SYPL1: variants seen among roughly 807,000 people sequenced by gnomAD.
SYPL1 encodes the protein synaptophysin-like protein 1.
In SYPL1, 6 loss-of-function variants were observed where a neutral mutation model predicts 23.7. The observed-to-expected ratio is 0.25, with a 90% CI of 0.14 to 0.50. The LOEUF is 0.50. SYPL1 is among the 20% of genes least tolerant of loss of function. The pLI is 0.98. For synonymous variants in SYPL1, 102 were observed against 104.5 expected (o/e 0.98, Z 0.15); for missense variants, 253 against 288.9 (o/e 0.88, Z 0.90).
intron 1 of SYPL1, among the ~76,000 whole-genome samples, chr7:106,102,419 T>C (rs1475288756): frequency 6.6e-6 from 1 of 152,200 alleles, no homozygotes; most frequent in Non-Finnish European, 1.5e-5. Flanking sequence ...TCTGTCTTCC[T>C]TTCTCACTCT....
chr7:106,101,425 T>C, intron 1 of SYPL1, among the ~76,000 whole-genome samples: 1 of 112,744 alleles, frequency 8.9e-6, no homozygotes, highest in African/African-American at 3.5e-5. Context: ...CAAGGGTTTG[T>C]TTTTTCCCAT....
Position 106,093,606 on chromosome 7 carries a change from T to C in SYPL1, c.403-469A>G, listed in dbSNP as rs573885480. The stretch of plus-strand genomic sequence containing the variant: ...CCTACAATCTGATCCTACTGCTTTC[T>C]TACTGTATCACCACTTCACTAATGT... On this transcript the variant is annotated intron_variant, in intron 3 of 4. Transcript: ENST00000455385. Among the ~76,000 whole-genome samples the C allele has an allele frequency of 4.7e-4, 60 of 128,918 alleles. 13 individuals carry two copies. In the South Asian group the frequency reaches 0.015, roughly 32 times the overall value. 84.6% of individuals were successfully genotyped at this position (128,918 alleles called of 152,430 possible).
intron 1 of SYPL1, among the ~76,000 whole-genome samples, chr7:106,103,703 A>G (rs1840441682): frequency 6.6e-6 from 1 of 152,244 alleles, no homozygotes; most frequent in Non-Finnish European, 1.5e-5. Flanking sequence ...TGTTAAAATT[A>G]ATTTCACCTG....
At chr7:106,093,390 A>C in intron 3 of SYPL1, 1 of 377,758 alleles carries the variant, frequency 2.6e-6, no homozygotes, top group Non-Finnish European at 4.7e-6. Context: ...ACTAGAAACC[A>C]AAGTTTTATA....
At chr7:106,101,057 T>G (rs990826906) in intron 1 of SYPL1, among the ~76,000 whole-genome samples, 2 of 152,146 alleles carry the variant, frequency 1.3e-5, no homozygotes, top group African/African-American at 4.8e-5. Context: ...CTCCCTCACT[T>G]CCATAGCTTC....
chr7:106,105,947 TAG>T (rs1840572714), intron 1 of SYPL1, among the ~76,000 whole-genome samples: 1 of 152,150 alleles, frequency 6.6e-6, no homozygotes, highest in Non-Finnish European at 1.5e-5. Context: ...TTCAAAGAAA[TAG>T]ATTGGTAACA....
At position 106,097,773 on chromosome 7, in the gene SYPL1, C is replaced by T. The variant is rs369027655; in HGVS notation, c.319G>A (p.Val107Met). 3.0e-5 allele frequency: 48 copies of T among 1,614,054 alleles called. No homozygotes were observed. The highest frequency in any genetic ancestry group is 4.4e-5 in the South Asian group (4 of 91,076). The change falls in exon 3 of 5, where the codon GTG becomes ATG. Residue 107 changes from valine (V) to methionine (M), a missense_variant. Val to Met is a conservative substitution (Grantham distance 21, BLOSUM62 1). Coordinates refer to ENST00000455385, the MANE Select transcript of SYPL1 (RefSeq NM_182715.4). This position sits in a 1 kb window ranked among gnomAD's most constrained non-coding sequence, Gnocchi z 4.6. Reference sequence around the variant, plus strand: ...AGGGCAGCAATGCAGTACAGGAACACAAAGACTGCAAAGGTAACATAGAAT... The same window carrying T: ...AGGGCAGCAATGCAGTACAGGAACATAAAGACTGCAAAGGTAACATAGAAT... ...AQFYVTFAVF[V>M]FLYCIAALLL...
chr7:106,098,390 G>C (rs986778483), intron 2 of SYPL1, among the ~76,000 whole-genome samples: 1 of 152,196 alleles, frequency 6.6e-6, no homozygotes, highest in African/African-American at 2.4e-5. Context: ...TCCCTTATGT[G>C]AGAAGTGTCT....
intron 1 of SYPL1, among the ~76,000 whole-genome samples, chr7:106,107,742 C>CAAAAAAA (rs10622990): frequency 2.5e-5 from 2 of 79,348 alleles, no homozygotes; most frequent in African/African-American, 4.1e-5. Context: ...ACTCCGTCTC[C>CAAAAAAA]AAAAAAAAAA....
intron 1 of SYPL1, among the ~76,000 whole-genome samples, chr7:106,099,642 T>C (rs150636884): frequency 5.0e-4 from 76 of 152,056 alleles, no homozygotes; most frequent in Non-Finnish European, 9.4e-4. Flanking sequence ...AATCCTCCCA[T>C]CTTGGCCTCC....
intron 1 of SYPL1, among the ~76,000 whole-genome samples, chr7:106,106,284 A>T (rs1585942848): frequency 6.6e-6 from 1 of 152,208 alleles, no homozygotes; most frequent in African/African-American, 2.4e-5. Flanking sequence ...ACAGTGGCTC[A>T]TGCCTGTAAT....
In SYPL1 at chr7:106,112,239, G is replaced by A. The variant is rs1790203038; in HGVS notation, c.-31C>T. The A allele has an allele frequency of 2.6e-6, 4 of 1,526,616 alleles. No individual in the cohort carries two copies. Among genetic ancestry groups the A allele is most frequent in the Non-Finnish European group, 3.5e-6 (4 of 1,128,080 alleles). The allele number at this position is 1,526,616 out of a possible 1,614,324, so 94.6% of individuals were successfully genotyped here. A position where few individuals can be genotyped will look rare whatever the true frequency, so the allele number is the denominator to read the frequency against. On this transcript the variant is annotated 5_prime_UTR_variant, in exon 1 of 5. Coordinates refer to ENST00000455385, the MANE Select transcript of SYPL1 (RefSeq NM_182715.4). ...GAGGAAAGGAGGGAGAGAGAGTCAG[G>A]ACGACGGGGCGGAGGAGGGGACCGA...
At chr7:106,110,110 C>T (rs1244744152) in intron 1 of SYPL1, among the ~76,000 whole-genome samples, 1 of 152,138 alleles carries the variant, frequency 6.6e-6, no homozygotes, top group East Asian at 1.9e-4. Context: ...TGCACATATG[C>T]ATTTTCCTAA....
intron 1 of SYPL1, among the ~76,000 whole-genome samples, chr7:106,103,537 C>A (rs1473330208): frequency 6.6e-6 from 1 of 152,168 alleles, no homozygotes; most frequent in Non-Finnish European, 1.5e-5. Flanking sequence ...GAACACTTTA[C>A]ATGTCACTAA....
chr7:106,095,907 A>T lies in SYPL1; in HGVS notation c.402+1783T>A, dbSNP rs1839996199. On this transcript the variant is annotated intron_variant, in intron 3 of 4. Coordinates refer to ENST00000455385, the MANE Select transcript of SYPL1 (RefSeq NM_182715.4). This position sits in a 1 kb window ranked among gnomAD's most constrained non-coding sequence, Gnocchi z 4.3. Reference sequence around the variant, plus strand: ...AGACAAAAACCACCTACAAAAATAGATTGGAATGCTGCTTTAAGAAGGGTA... The same window carrying T: ...AGACAAAAACCACCTACAAAAATAGTTTGGAATGCTGCTTTAAGAAGGGTA... Among the ~76,000 whole-genome samples the T allele has an allele frequency of 6.6e-6, 1 of 152,316 alleles. No individual in the cohort carries two copies. Among genetic ancestry groups the T allele is most frequent in the Admixed American group, 6.5e-5 (1 of 15,302 alleles).
At chr7:106,099,628 A>G (rs1263397949) in intron 1 of SYPL1, among the ~76,000 whole-genome samples, 1 of 152,088 alleles carries the variant, frequency 6.6e-6, no homozygotes, top group Non-Finnish European at 1.5e-5. Flanking sequence ...TCCTGAACTC[A>G]AGCAATCCTC....
chr7:106,092,815 T>C, intron 4 of SYPL1, 134 bp downstream of exon 4: 1 of 756,452 alleles, frequency 1.3e-6, no homozygotes, highest in Non-Finnish European at 2.0e-6. Context: ...AAACACTATA[T>C]TGTTACTAGA....
At chr7:106,103,611 AG>A (rs1840438467) in intron 1 of SYPL1, among the ~76,000 whole-genome samples, 2 of 152,256 alleles carry the variant, frequency 1.3e-5, no homozygotes, top group African/African-American at 4.8e-5. Flanking sequence ...ACTATGAAAA[AG>A]ATGTGAAATA....
rs1420640637 is a variant in SYPL1 at position 106,104,887 on chromosome 7, A to T, written c.70-5605T>A. The stretch of plus-strand genomic sequence containing the variant: ...GCCTGTTGGTAAAACCCGGCCTGCA[A>T]ATATATTTGTGTGGCCTTTCCAGTA... On this transcript the variant is annotated intron_variant, in intron 1 of 4. Transcript: ENST00000455385. The surrounding 1 kb of genome is among the most constrained non-coding windows in gnomAD (Gnocchi z 4.1). Among the ~76,000 whole-genome samples, 2 of 152,208 alleles carry T rather than the reference A, an allele frequency of 1.3e-5. No individual in the cohort carries two copies. The highest frequency in any genetic ancestry group is 3.8e-4 in the East Asian group (2 of 5,202).
Sources: gnomAD v4.1 joint callset for allele counts (sites outside exome capture counted in the v4.1 genomes callset) on GRCh38, gnomAD v4.1.1 for gene constraint, Gnocchi (gnomAD v3.1) non-coding constraint, MANE v1.5 for transcripts, NCBI Gene and HGNC (gene_info 2026-07-23, HGNC 2026-07-21) for gene names.